Variants in LRRN2 observed in about 807,000 individuals in gnomAD.
The protein encoded by LRRN2 is leucine rich repeat neuronal 2.
LRRN2 carries 10 observed loss-of-function variants against 35.7 expected under a neutral mutation model. The ratio of observed to expected loss-of-function variants is 0.28; its 90% CI spans 0.17 to 0.47. The LOEUF is 0.47. LRRN2 is among the 20% of genes least tolerant of loss of function. The probability of loss-of-function intolerance (pLI) is 0.99; values close to 1 mark genes in which losing one functional copy is unlikely to be tolerated. For missense variants in LRRN2, 731 were observed against 940.3 expected (o/e 0.78, Z 2.91); for synonymous variants, 391 against 409.6 (o/e 0.95, Z 0.55).
At chr1:204,682,884 G>C (rs1364204269) in intron 1 of LRRN2, 1 of 152,194 alleles carries the variant, frequency 6.6e-6, no homozygotes, top group Non-Finnish European at 1.5e-5. Flanking sequence ...GCCCCCTCAA[G>C]CTGTGGGTCT....
Position 204,618,312 on chromosome 1 carries a change from C to T in LRRN2, c.1681G>A (p.Ala561Thr), listed in dbSNP as rs145941626. The T allele has an allele frequency of 1.3e-5, 21 of 1,595,442 alleles. No homozygotes were observed. In the African/African-American group the frequency reaches 2.5e-4, roughly 19 times the overall value. Residue 561 changes from alanine to threonine, a missense_variant, in exon 2 of 2, where the codon GCC becomes ACC. Around this residue, in one of 3 missense-constraint regions of LRRN2, gnomAD observed 229 missense variants for 258.4 expected, o/e 0.89. Coordinates refer to ENST00000367177, the MANE Select transcript of LRRN2 (RefSeq NM_201630.2). ...GCCCCCTGGCCCCGGAGGGAGGAGG[C>T]ACTGGACCAGGTGAGGTTGGTGGAC... ...TVSTNLTWSS[A>T]SSLRGQGATA... is the part of the protein sequence containing the mutation.
At chr1:204,636,303 T>A (rs969013274) in intron 1 of LRRN2, among the ~76,000 whole-genome samples, 1 of 152,034 alleles carries the variant, frequency 6.6e-6, no homozygotes, top group Non-Finnish European at 1.5e-5. Flanking sequence ...AACATGAAAA[T>A]AAGTGGATTC....
At chr1:204,632,260 A>G (rs1405412425) in intron 1 of LRRN2, among the ~76,000 whole-genome samples, 1 of 152,166 alleles carries the variant, frequency 6.6e-6, no homozygotes, top group Non-Finnish European at 1.5e-5. Flanking sequence ...CTTAAACCCA[A>G]ACAAACAAAA....
At chr1:204,627,949 G>GAA (rs906587890) in intron 1 of LRRN2, 1 of 152,466 alleles carries the variant, frequency 6.6e-6, no homozygotes, top group African/African-American at 2.4e-5. Flanking sequence ...AAGAAAGAAA[G>GAA]AGGGAGGGAG....
rs563651344 is a variant in LRRN2, at chr1:204,666,823, G to A, written c.-227+18497C>T. Reference sequence around the variant, plus strand: ...TAAAAATACAAAAAATTAGCCAGGCGTGGTGGCCCACACCTGTAATCCCAG... The same window carrying A: ...TAAAAATACAAAAAATTAGCCAGGCATGGTGGCCCACACCTGTAATCCCAG... On this transcript the variant is annotated intron_variant, in intron 1 of 1. Coordinates refer to ENST00000367177, the MANE Select transcript of LRRN2 (RefSeq NM_201630.2). Among the ~76,000 whole-genome samples the A allele has an allele frequency of 2.4e-4, 36 of 152,062 alleles. 1 individual carries two copies. The highest frequency in any genetic ancestry group is 7.5e-4 in the African/African-American group (31 of 41,480).
rs755977898 is a variant in LRRN2 at position 204,619,735 on chromosome 1, C to T, written c.258G>A (p.Gln86=). Residue 86 remains glutamine, a synonymous_variant, in exon 2 of 2, where the codon CAG becomes CAA. Coordinates refer to ENST00000367177, the MANE Select transcript of LRRN2 (RefSeq NM_201630.2). ...GATTGGCCAGGTAGCCCAGCTCACT[C>T]TGGTCCACACGGACAATGCTGTTGC... The part of the protein sequence containing the change: ...LQSNSIVRVD[Q]SELGYLANLT... The T allele has an allele frequency of 6.2e-7, 1 of 1,614,218 alleles. No homozygotes were observed. Among genetic ancestry groups the T allele is most frequent in the Non-Finnish European group, 8.5e-7 (1 of 1,180,014 alleles).
intron 1 of LRRN2, chr1:204,664,105 C>G (rs1668526829): frequency 6.6e-6 from 1 of 152,140 alleles, no homozygotes; most frequent in Admixed American, 6.6e-5. Context: ...CAGCCTAGGC[C>G]CCACAAAATG....
chr1:204,639,607 C>T (rs931121737), intron 1 of LRRN2, among the ~76,000 whole-genome samples: 1 of 152,130 alleles, frequency 6.6e-6, no homozygotes. Context: ...CCATCGCACT[C>T]CAAGCTTGGG....
chr1:204,635,243 G>A (rs529147548), intron 1 of LRRN2, among the ~76,000 whole-genome samples: 10 of 152,206 alleles, frequency 6.6e-5, no homozygotes, highest in East Asian at 5.8e-4. Flanking sequence ...AAATAAAAGC[G>A]TTGGACAATA....
chr1:204,635,255 T>C (rs974843332), intron 1 of LRRN2, among the ~76,000 whole-genome samples: 1 of 152,158 alleles, frequency 6.6e-6, no homozygotes, highest in Non-Finnish European at 1.5e-5. Context: ...TGGACAATAT[T>C]ATTTTAAGGG....
chr1:204,624,214 C>T (rs555956685), intron 1 of LRRN2, among the ~76,000 whole-genome samples: 31 of 152,328 alleles, frequency 2.0e-4, no homozygotes, highest in Admixed American at 1.9e-3. Flanking sequence ...CTGCCTAGAA[C>T]AACCCCCCTG....
chr1:204,684,144 TCCCC>T (rs1360450216), intron 1 of LRRN2, among the ~76,000 whole-genome samples: 2 of 152,062 alleles, frequency 1.3e-5, no homozygotes, highest in African/African-American at 4.8e-5. Context: ...ACCTACATCT[TCCCC>T]TATGACAGTG....
At chr1:204,655,297 T>C (rs1319653499) in intron 1 of LRRN2, among the ~76,000 whole-genome samples, 1 of 150,210 alleles carries the variant, frequency 6.7e-6, no homozygotes, top group African/African-American at 2.5e-5. Flanking sequence ...GTTTTGTTTT[T>C]GTTTTCTTGA....
At chr1:204,628,377 C>T (rs1667560866) in intron 1 of LRRN2, 1 of 152,222 alleles carries the variant, frequency 6.6e-6, no homozygotes, top group African/African-American at 2.4e-5. Context: ...GGCGCGGCAC[C>T]AGAGTCCTGT....
In LRRN2 at chr1:204,621,035, C is replaced by A. The variant is rs564505200; in HGVS notation, c.-226-817G>T. On this transcript the variant is annotated intron_variant, in intron 1 of 1. Transcript: ENST00000367177. ...TGAAAGGCAGCAGACCTGACACATC[C>A]AGGCAGGCTGGGGTGTTCTGCTGCC... 1.3e-3 allele frequency: 225 copies of A among 167,194 alleles called. 2 individuals are homozygous for A. In the Middle Eastern group the frequency reaches 0.02, roughly 15 times the overall value. 10.4% of individuals were successfully genotyped at this position (167,194 alleles called of 1,614,324 possible). A position where few individuals can be genotyped will look rare whatever the true frequency, so the allele number is the denominator to read the frequency against.
chr1:204,618,158 C>A lies in LRRN2; in HGVS notation c.1835G>T (p.Trp612Leu). ...AGAAGTGGCCTCTTTGGTCCTGGCC[C>A]ATACACAAGCCAACTGGGTGTGGGC... ...ADAHTQLACVWARTKEATSCH... is the reference protein window; with the variant it reads ...ADAHTQLACVLARTKEATSCH... The change falls in exon 2 of 2, where the codon TGG (tryptophan) becomes TTG (leucine). Residue 612 changes from tryptophan (W) to leucine (L), a missense_variant. This residue lies in a region of LRRN2 where 229 missense variants were observed against 258.4 expected (regional missense o/e 0.89). Transcript: ENST00000367177. The A allele has an allele frequency of 6.2e-7, 1 of 1,614,136 alleles. No homozygotes were observed. The highest frequency in any genetic ancestry group is 8.5e-7 in the Non-Finnish European group (1 of 1,179,982).
chr1:204,678,246 T>C (rs560174757), intron 1 of LRRN2, among the ~76,000 whole-genome samples: 6 of 152,210 alleles, frequency 3.9e-5, no homozygotes, highest in Non-Finnish European at 8.8e-5. Context: ...TCAGTAGGTT[T>C]CCTTACCAGT....
At chr1:204,646,330 G>A (rs969915208) in intron 1 of LRRN2, among the ~76,000 whole-genome samples, 4 of 150,664 alleles carry the variant, frequency 2.7e-5, no homozygotes, top group African/African-American at 9.7e-5. Flanking sequence ...CTGTGTGCGT[G>A]TGTGTGTTAT....
At chr1:204,643,562 G>C (rs1253029748) in intron 1 of LRRN2, among the ~76,000 whole-genome samples, 1 of 152,110 alleles carries the variant, frequency 6.6e-6, no homozygotes, top group Non-Finnish European at 1.5e-5. Flanking sequence ...CGAGGATGAG[G>C]TTGGGGTGCA....
Sources: gnomAD v4.1 joint callset for allele counts (sites outside exome capture counted in the v4.1 genomes callset) on GRCh38, gnomAD v4.1.1 for gene constraint, gnomAD v4.1.1 regional missense constraint, MANE v1.5 for transcripts, NCBI Gene and HGNC (gene_info 2026-07-23, HGNC 2026-07-21) for gene names.